The following ARHGAP8 variants were observed in gnomAD, a reference collection of about 807,000 sequenced individuals.
ARHGAP8 encodes the protein Rho GTPase activating protein 8.
ARHGAP8 carries 62 observed loss-of-function variants against 46.1 expected under a neutral mutation model. The observed-to-expected ratio is 1.34, with a 90% CI of 1.10 to 1.66. ARHGAP8 has a LOEUF of 1.66. Ranked by LOEUF, ARHGAP8 falls within the 40% of genes most tolerant of loss-of-function variation. The pLI, the probability that ARHGAP8 is intolerant of heterozygous loss-of-function variation, is 0.00. For synonymous variants in ARHGAP8, 375 were observed against 243.1 expected (o/e 1.54, Z -5.05); for missense variants, 923 against 568.4 (o/e 1.62, Z -6.34).
At chr22:44,849,889 T>C (rs1331705877) in intron 10 of ARHGAP8, 1 of 151,992 alleles carries the variant, frequency 6.6e-6, no homozygotes, top group Non-Finnish European at 1.5e-5. Flanking sequence ...CCCTGGGGGG[T>C]GACTTCTGAA....
chr22:44,842,248 T>A lies in ARHGAP8; in HGVS notation c.597-3021T>A, dbSNP rs1039846694. Among the ~76,000 whole-genome samples the A allele has an allele frequency of 8.7e-4, 133 of 152,234 alleles. 1 individual carries two copies. The highest frequency in any genetic ancestry group is 3.5e-4 in the Non-Finnish European group (24 of 68,030). ...GGTGCGTGCCTGTAGTCCCAGCTAC[T>A]CGGGAGGCTGAGGCAGGAGAATTGC... On this transcript the variant is annotated intron_variant, in intron 7 of 11. Coordinates refer to ENST00000356099, the MANE Select transcript of ARHGAP8 (RefSeq NM_181335.3).
chr22:44,783,037 A>G (rs1926958002), intron 1 of ARHGAP8, among the ~76,000 whole-genome samples: 1 of 151,824 alleles, frequency 6.6e-6, no homozygotes, highest in Non-Finnish European at 1.5e-5. Flanking sequence ...GCCCAGCTCC[A>G]GCCCGATACA....
intron 1 of ARHGAP8, among the ~76,000 whole-genome samples, chr22:44,784,265 G>A (rs1034018230): frequency 3.3e-5 from 5 of 152,060 alleles, no homozygotes; most frequent in Non-Finnish European, 5.9e-5. Flanking sequence ...TTAGCTGAGC[G>A]TGGTGGTGCA....
At chr22:44,857,989 T>C (rs558760441) in intron 10 of ARHGAP8, among the ~76,000 whole-genome samples, 1 of 152,174 alleles carries the variant, frequency 6.6e-6, no homozygotes, top group Admixed American at 6.5e-5. Flanking sequence ...GGGACCATAA[T>C]TCGTAGATAA....
At position 44,862,538 on chromosome 22, in the gene ARHGAP8, C is replaced by G; in HGVS notation, c.1245C>G (p.Gly415=). 6.2e-7 allele frequency: 1 copy of G among 1,606,964 alleles called. No homozygotes were observed. Among genetic ancestry groups the G allele is most frequent in the East Asian group, 2.2e-5 (1 of 44,660 alleles). Residue 415 remains glycine, a synonymous_variant, in exon 12 of 12, where the codon GGC becomes GGG. Transcript: ENST00000356099. ...CTGTGCCACGGACACAAGCCACGGG[C>G]CTCACCAAGCCTACCCTACCTCCGA... ...QEAVPRTQAT[G]LTKPTLPPSP...
intron 1 of ARHGAP8, among the ~76,000 whole-genome samples, chr22:44,758,347 G>A (rs527407718): frequency 3.3e-5 from 5 of 152,228 alleles, no homozygotes; most frequent in South Asian, 4.2e-4. Context: ...GCTTGAATCC[G>A]TGTGGCAGAG....
chr22:44,837,823 C>G (rs1931389726), intron 7 of ARHGAP8, among the ~76,000 whole-genome samples: 1 of 152,132 alleles, frequency 6.6e-6, no homozygotes, highest in African/African-American at 2.4e-5. Context: ...GGGTGCTCCT[C>G]AAATGCACGG....
chr22:44,776,776 G>A (rs928165614), intron 1 of ARHGAP8, among the ~76,000 whole-genome samples: 26 of 152,080 alleles, frequency 1.7e-4, no homozygotes, highest in Admixed American at 3.3e-4. Context: ...ATGGCGCTGC[G>A]CACTGTAGGT....
At chr22:44,754,619 G>A (rs1325973859) in intron 1 of ARHGAP8, among the ~76,000 whole-genome samples, 1 of 152,038 alleles carries the variant, frequency 6.6e-6, no homozygotes, top group Non-Finnish European at 1.5e-5. Flanking sequence ...GCCTTCCAAA[G>A]TGCTTGGAGT....
chr22:44,808,284 T>C (rs1929072889), intron 3 of ARHGAP8, 23 bp from the exon 4 acceptor site: 1 of 1,600,898 alleles, frequency 6.2e-7, no homozygotes, highest in Non-Finnish European at 8.5e-7. Context: ...TTTTCATAAC[T>C]GAATCTTCTG....
rs920946535 is a variant in ARHGAP8, at chr22:44,838,094, A to C, written c.597-7175A>C. Among the ~76,000 whole-genome samples, 6 of 150,380 alleles carry C rather than the reference A, an allele frequency of 4.0e-5. No homozygotes were observed. In the East Asian group the frequency reaches 9.7e-4, roughly 24 times the overall value. ...GTTCAAATGATTCTTCTGCCTCAGC[A>C]TCCCAAGTAGCTGAGATTACAGGAG... On this transcript the variant is annotated intron_variant, in intron 7 of 11. Transcript: ENST00000356099.
At chr22:44,839,874 G>C (rs1435783822) in intron 7 of ARHGAP8, among the ~76,000 whole-genome samples, 1 of 152,196 alleles carries the variant, frequency 6.6e-6, no homozygotes, top group Non-Finnish European at 1.5e-5. Flanking sequence ...AGCAGAACTC[G>C]GCCAGGCGAG....
chr22:44,786,642 G>C, intron 2 of ARHGAP8, 36 bp downstream of exon 2: 1 of 1,596,518 alleles, frequency 6.3e-7, no homozygotes, highest in Non-Finnish European at 8.5e-7. Context: ...AGGACCATGG[G>C]CAGAGCAGCC....
intron 2 of ARHGAP8, among the ~76,000 whole-genome samples, chr22:44,800,074 C>T (rs538572569): frequency 9.1e-5 from 8 of 88,168 alleles, no homozygotes; most frequent in Non-Finnish European, 1.5e-4. Context: ...GTCTGCAGGG[C>T]CCTCTCCTTC....
intron 1 of ARHGAP8, among the ~76,000 whole-genome samples, chr22:44,767,085 C>T (rs1250321528): frequency 2.6e-5 from 4 of 152,294 alleles, no homozygotes; most frequent in African/African-American, 9.6e-5. Flanking sequence ...GCTGTGTGAC[C>T]TTGAATAAGT....
chr22:44,784,486 G>A (rs5766002), intron 1 of ARHGAP8, among the ~76,000 whole-genome samples: 134,273 of 152,216 alleles, frequency 0.88, 59,529 homozygotes, highest in Non-Finnish European at 0.94. Flanking sequence ...GTAATCTAGA[G>A]GTGATTTGAA....
intron 1 of ARHGAP8, among the ~76,000 whole-genome samples, chr22:44,762,755 G>A (rs1247376619): frequency 6.6e-6 from 1 of 151,922 alleles, no homozygotes; most frequent in Non-Finnish European, 1.5e-5. Context: ...TGTTGGCCAG[G>A]TTGGTCTCGA....
At chr22:44,862,242 C>T (rs762315879) in intron 11 of ARHGAP8, 33 bp from the exon 12 acceptor site, 13 of 1,557,180 alleles carry the variant, frequency 8.3e-6, no homozygotes, top group Middle Eastern at 3.4e-4. Flanking sequence ...CCTTGGTGTT[C>T]ACTCCCCTTT....
At chr22:44,759,769 T>C (rs1374199254) in intron 1 of ARHGAP8, among the ~76,000 whole-genome samples, 1 of 152,080 alleles carries the variant, frequency 6.6e-6, no homozygotes, top group African/African-American at 2.4e-5. Flanking sequence ...CTGGCTTGGG[T>C]TTCTGAATTA....
Sources: gnomAD v4.1 joint callset for allele counts (sites outside exome capture counted in the v4.1 genomes callset) on GRCh38, gnomAD v4.1.1 for gene constraint, MANE v1.5 for transcripts, NCBI Gene and HGNC (gene_info 2026-07-23, HGNC 2026-07-21) for gene names.